The following MARCHF1 variants were observed in gnomAD, a reference collection of about 807,000 sequenced individuals.
The protein encoded by MARCHF1 is E3 ubiquitin-protein ligase MARCHF1.
A neutral mutation model predicts 54.2 loss-of-function variants in MARCHF1; 40 were observed. The observed-to-expected ratio is 0.74, with a 90% CI of 0.57 to 0.96. MARCHF1 has a LOEUF of 0.96. Ranked by LOEUF, MARCHF1 falls within the 40% of genes least tolerant of loss-of-function variation. The pLI, the probability that MARCHF1 is intolerant of heterozygous loss-of-function variation, is 0.00. For synonymous variants in MARCHF1, 236 were observed against 236.3 expected (o/e 1.00, Z 0.01); for missense variants, 586 against 656.5 (o/e 0.89, Z 1.17).
chr4:163,967,538 T>C (rs1295311051), intron 3 of MARCHF1, among the ~76,000 whole-genome samples: 1 of 152,192 alleles, frequency 6.6e-6, no homozygotes, highest in Non-Finnish European at 1.5e-5. Flanking sequence ...CTTTCTCTCT[T>C]ATTATCCAGC....
intron 3 of MARCHF1, among the ~76,000 whole-genome samples, chr4:163,923,980 A>C (rs1751486754): frequency 1.3e-5 from 2 of 152,054 alleles, no homozygotes; most frequent in Admixed American, 1.3e-4. Flanking sequence ...TATCATGACT[A>C]TTTTGGCCTG....
In MARCHF1 at chr4:163,539,037, T is replaced by A. The variant is rs563136574; in HGVS notation, c.1339+6559A>T. 1.6e-4 allele frequency among the ~76,000 whole-genome samples: 21 copies of A among 133,678 alleles called. 1 individual carries two copies. In the South Asian group the frequency reaches 4.0e-3, roughly 26 times the overall value. The allele number at this position is 133,678 out of a possible 152,430, so 87.7% of individuals were successfully genotyped here. A position where few individuals can be genotyped will look rare whatever the true frequency, so the allele number is the denominator to read the frequency against. ...TATTTATTTATTTATTTATTTATTTTGAGACAGAGTCTTGCTTCTGTCACC... is the reference window on the plus strand; with the variant it reads ...TATTTATTTATTTATTTATTTATTTAGAGACAGAGTCTTGCTTCTGTCACC... On this transcript the variant is annotated intron_variant, in intron 9 of 9. Coordinates refer to ENST00000514618, the MANE Select transcript of MARCHF1 (RefSeq NM_001394959.1).
At chr4:163,561,478 A>T (rs4691091) in intron 8 of MARCHF1, among the ~76,000 whole-genome samples, 125,088 of 152,142 alleles carry the variant, frequency 0.82, 51,582 homozygotes, top group Middle Eastern at 0.93. Context: ...AGATTTCTGA[A>T]ATACATCTAT....
At chr4:163,724,358 G>A (rs896901706) in intron 4 of MARCHF1, among the ~76,000 whole-genome samples, 33 of 152,188 alleles carry the variant, frequency 2.2e-4, no homozygotes, top group Non-Finnish European at 4.7e-4. Context: ...CTGCCTGATC[G>A]TTCCTCTGGA....
At chr4:164,326,374 T>C (rs1263331195) in intron 1 of MARCHF1, among the ~76,000 whole-genome samples, 1 of 152,206 alleles carries the variant, frequency 6.6e-6, no homozygotes, top group East Asian at 1.9e-4. Flanking sequence ...AATTAAATTT[T>C]CATGACCGAA....
At chr4:164,114,598 T>C (rs958462340) in intron 1 of MARCHF1, among the ~76,000 whole-genome samples, 2 of 151,558 alleles carry the variant, frequency 1.3e-5, no homozygotes, top group Non-Finnish European at 3.0e-5. Context: ...AAGTATTATA[T>C]TATATTATGT....
chr4:163,632,676 G>A (rs1172824771), intron 5 of MARCHF1, among the ~76,000 whole-genome samples: 1 of 152,196 alleles, frequency 6.6e-6, no homozygotes, highest in African/African-American at 2.4e-5. Flanking sequence ...GGGGAGGGGC[G>A]CCCACCATTG....
chr4:164,330,298 T>A (rs1735401092), intron 1 of MARCHF1: 4 of 152,158 alleles, frequency 2.6e-5, no homozygotes, highest in Admixed American at 1.3e-4. Flanking sequence ...ACCAGTTTAT[T>A]AGGTTGCTGT....
At chr4:164,373,622 T>C (rs1731101565) in intron 1 of MARCHF1, among the ~76,000 whole-genome samples, 2 of 152,274 alleles carry the variant, frequency 1.3e-5, no homozygotes, top group African/African-American at 4.8e-5. Context: ...CCCAAAGTGC[T>C]AAGATTACAG....
chr4:164,054,576 C>G (rs1328368824), intron 2 of MARCHF1, among the ~76,000 whole-genome samples: 1 of 151,966 alleles, frequency 6.6e-6, no homozygotes, highest in Non-Finnish European at 1.5e-5. Context: ...ACATATACAC[C>G]GTGGAATACT....
At chr4:163,786,980 C>T (rs1027846731) in intron 4 of MARCHF1, among the ~76,000 whole-genome samples, 7 of 151,780 alleles carry the variant, frequency 4.6e-5, no homozygotes, top group African/African-American at 1.7e-4. Flanking sequence ...ATACTACATA[C>T]AGGAAAGTCT....
At chr4:163,601,568 G>A (rs925843267) in intron 7 of MARCHF1, among the ~76,000 whole-genome samples, 6 of 151,860 alleles carry the variant, frequency 4.0e-5, no homozygotes, top group Admixed American at 3.3e-4. Context: ...TCAATATTTT[G>A]CACTTCTATA....
chr4:163,837,551 G>C (rs553166879), intron 4 of MARCHF1, among the ~76,000 whole-genome samples: 1 of 152,072 alleles, frequency 6.6e-6, no homozygotes, highest in Admixed American at 6.5e-5. Flanking sequence ...TATCAAGGTA[G>C]ACTTTAAGGA....
At chr4:163,709,007 T>C (rs1407299814) in intron 4 of MARCHF1, among the ~76,000 whole-genome samples, 1 of 152,166 alleles carries the variant, frequency 6.6e-6, no homozygotes, top group Non-Finnish European at 1.5e-5. Flanking sequence ...GAAAAATGTG[T>C]AGAGGACAAT....
rs566051561 is a variant in MARCHF1, at chr4:163,542,989, T to C, written c.1339+2607A>G. 3.3e-5 allele frequency among the ~76,000 whole-genome samples: 5 copies of C among 152,118 alleles called. No homozygotes were observed. The South Asian group carries it at 6.2e-4, about 19-fold the overall frequency. The stretch of plus-strand genomic sequence containing the variant: ...ACAAGAGAAGCTGGAAGGAAATGTT[T>C]TACAGAGAGAGGAAAGCTGAGCAAG... On this transcript the variant is annotated intron_variant, in intron 9 of 9. Coordinates refer to ENST00000514618, the MANE Select transcript of MARCHF1 (RefSeq NM_001394959.1).
At chr4:164,119,432 T>C (rs1756016190) in intron 1 of MARCHF1, among the ~76,000 whole-genome samples, 1 of 146,664 alleles carries the variant, frequency 6.8e-6, no homozygotes, top group South Asian at 2.2e-4. Context: ...TCAATATAAA[T>C]GAAAAAAATA....
chr4:163,552,850 G>T (rs1258796297), intron 8 of MARCHF1, among the ~76,000 whole-genome samples: 3 of 152,068 alleles, frequency 2.0e-5, no homozygotes, highest in Non-Finnish European at 4.4e-5. Flanking sequence ...TGGCCAACGT[G>T]GTGAAACCCT....
intron 1 of MARCHF1, among the ~76,000 whole-genome samples, chr4:164,349,845 T>C (rs1730227202): frequency 6.6e-6 from 1 of 152,200 alleles, no homozygotes; most frequent in Admixed American, 6.5e-5. Context: ...CTCAAATTGT[T>C]CAAAAGTTGT....
At chr4:164,149,733 G>C (rs909849785) in intron 1 of MARCHF1, among the ~76,000 whole-genome samples, 12 of 152,084 alleles carry the variant, frequency 7.9e-5, no homozygotes, top group African/African-American at 2.9e-4. Context: ...CTTAAAGTGA[G>C]ATAAATGAGA....
Sources: gnomAD v4.1 joint callset for allele counts (sites outside exome capture counted in the v4.1 genomes callset) on GRCh38, gnomAD v4.1.1 for gene constraint, MANE v1.5 for transcripts, NCBI Gene and HGNC (gene_info 2026-07-23, HGNC 2026-07-21) for gene names.